PKP2: variants seen among roughly 807,000 people sequenced by gnomAD.
The protein encoded by PKP2 is plakophilin-2.
Under a neutral mutation model 83.4 loss-of-function variants are expected in PKP2, and 73 were observed. The observed-to-expected ratio is 0.88, with a 90% CI of 0.72 to 1.06. The LOEUF (loss-of-function observed/expected upper bound fraction) is 1.06. Among genes scored for constraint, PKP2 ranks in the 50% least tolerant of loss-of-function variants. The probability of loss-of-function intolerance (pLI) is 0.00; values close to 1 mark genes in which losing one functional copy is unlikely to be tolerated. For missense variants in PKP2, 966 were observed against 1,065.4 expected (o/e 0.91, Z 1.30); for synonymous variants, 409 against 430.4 (o/e 0.95, Z 0.62).
intron 9 of PKP2, among the ~76,000 whole-genome samples, chr12:32,806,686 T>TTGTGTGTGTGTGTGTGTG (rs140484431): frequency 0.039 from 5,846 of 149,636 alleles, 138 homozygotes; most frequent in African/African-American, 0.061. Context: ...TTTGAAGGGT[T>TTGTGTGTGTGTGTGTGTG]TGTGTGTGTG....
intron 1 of PKP2, chr12:32,893,398 A>G (rs1321141362): frequency 1.3e-5 from 2 of 152,244 alleles, no homozygotes; most frequent in African/African-American, 4.8e-5. Flanking sequence ...CATGGAAATA[A>G]TAAAAATTAT....
chr12:32,796,037 CA>C, intron 11 of PKP2, 71 bp downstream of exon 11: 1 of 1,349,372 alleles, frequency 7.4e-7, no homozygotes, highest in Non-Finnish European at 1.1e-6. Context: ...CGCACATTCA[CA>C]ACCGGATTAT....
chr12:32,824,240 A>T (rs1956412311), intron 6 of PKP2, 78 bp from the exon 7 acceptor site: 1 of 1,000,804 alleles, frequency 1.0e-6, no homozygotes, highest in Non-Finnish European at 1.6e-6. Flanking sequence ...GTTTTACTTG[A>T]TGCTTCTTCC....
intron 4 of PKP2, among the ~76,000 whole-genome samples, chr12:32,853,545 C>T (rs1218840050): frequency 3.5e-5 from 5 of 141,720 alleles, no homozygotes; most frequent in African/African-American, 5.4e-5. Context: ...CTCGCTCTGT[C>T]GCTCAGGTTG....
At chr12:32,807,646 G>A (rs774075510) in intron 9 of PKP2, among the ~76,000 whole-genome samples, 1 of 152,294 alleles carries the variant, frequency 6.6e-6, no homozygotes, top group Non-Finnish European at 1.5e-5. Context: ...ACTTCAGTGT[G>A]TTTTCATAGT....
At chr12:32,807,681 A>T (rs1592731627) in intron 9 of PKP2, among the ~76,000 whole-genome samples, 1 of 152,068 alleles carries the variant, frequency 6.6e-6, no homozygotes, top group Admixed American at 6.6e-5. Flanking sequence ...TTTCCTTTCC[A>T]CATTTAGTGC....
Position 32,878,148 on chromosome 12 carries a change from G to A in PKP2, c.732C>T (p.Pro244=). 6.2e-7 allele frequency: 1 copy of A among 1,614,242 alleles called. No homozygotes were observed. The highest frequency in any genetic ancestry group is 8.5e-7 in the Non-Finnish European group (1 of 1,180,038). Reference sequence around the variant, plus strand: ...CCATGCTGCGGCTGGTCCCTGGCCTGGGGTACGTGAGCAGGGCCGGGTTGG... The same window carrying A: ...CCATGCTGCGGCTGGTCCCTGGCCTAGGGTACGTGAGCAGGGCCGGGTTGG... ...IPANPALLTY[P]RPGTSRSMGN... is the part of the protein sequence containing the mutation. The change falls in exon 3 of 13, where the codon CCC becomes CCT. Residue 244 remains proline (P), a synonymous_variant. Transcript: ENST00000340811.
At chr12:32,865,907 A>G (rs1428356460) in intron 4 of PKP2, among the ~76,000 whole-genome samples, 1 of 152,128 alleles carries the variant, frequency 6.6e-6, no homozygotes, top group African/African-American at 2.4e-5. Context: ...TGGACCATAG[A>G]ACAACTAAAA....
intron 5 of PKP2, among the ~76,000 whole-genome samples, chr12:32,844,197 G>A (rs937320318): frequency 1.3e-5 from 2 of 152,160 alleles, no homozygotes; most frequent in African/African-American, 2.4e-5. Flanking sequence ...GCATAGAAAT[G>A]TCATGCCTGT....
chr12:32,860,107 C>T (rs1448457031), intron 4 of PKP2, among the ~76,000 whole-genome samples: 2 of 152,200 alleles, frequency 1.3e-5, no homozygotes, highest in Non-Finnish European at 2.9e-5. Flanking sequence ...TTAGATATCA[C>T]TGCCTTGGGA....
Position 32,796,353 on chromosome 12 carries a change from C to T in PKP2, c.2168-55G>A, listed in dbSNP as rs1956124625. On this transcript the variant is annotated intron_variant, in intron 10 of 12. Transcript: ENST00000340811. ...TGATTAAAAAGATTGTTTCTTAATC[C>T]CAAGATCCCAATATATTTTGGGTGA... 5 of 1,390,982 alleles carry T rather than the reference C, an allele frequency of 3.6e-6. No homozygotes were observed. The East Asian group carries it at 1.2e-4, about 33-fold the overall frequency. 86.2% of individuals were successfully genotyped at this position (1,390,982 alleles called of 1,614,324 possible).
chr12:32,894,622 T>G (rs774781713), intron 1 of PKP2: 1 of 152,230 alleles, frequency 6.6e-6, no homozygotes, highest in Non-Finnish European at 1.5e-5. Context: ...TTCCCTTTTC[T>G]TCTGTTCATG....
Position 32,878,676 on chromosome 12 carries a change from T to C in PKP2, c.337-133A>G, listed in dbSNP as rs754457997. ...AGATGACGAGAAGTTTGCCCCTTTC[T>C]GGGTAAAGGCTTTTTGAAAATAAGA... On this transcript the variant is annotated intron_variant, in intron 2 of 12. Coordinates refer to ENST00000340811, the MANE Select transcript of PKP2 (RefSeq NM_001005242.3). 5.9e-5 allele frequency: 47 copies of C among 796,970 alleles called. No homozygotes were observed. In the Middle Eastern group the frequency reaches 9.0e-4, roughly 15 times the overall value. 49.4% of individuals were successfully genotyped at this position (796,970 alleles called of 1,614,324 possible).
chr12:32,806,063 C>T (rs1284254449), intron 9 of PKP2, among the ~76,000 whole-genome samples: 1 of 152,178 alleles, frequency 6.6e-6, no homozygotes, highest in Non-Finnish European at 1.5e-5. Flanking sequence ...GGATGAAACC[C>T]ACTTGATGGT....
intron 4 of PKP2, chr12:32,863,449 A>C: frequency 4.8e-6 from 1 of 208,272 alleles, no homozygotes; most frequent in Non-Finnish European, 9.9e-6. Context: ...TAATGAAACA[A>C]TAATAAATAA....
chr12:32,821,183 C>A, intron 9 of PKP2, 173 bp downstream of exon 9: 2 of 633,266 alleles, frequency 3.2e-6, no homozygotes, highest in Non-Finnish European at 5.6e-6. Flanking sequence ...AGTCAAGCAG[C>A]CTGACTTGAC....
chr12:32,885,075 G>A lies in PKP2; in HGVS notation c.224-6043C>T, dbSNP rs1957019667. 2.0e-5 allele frequency among the ~76,000 whole-genome samples: 3 copies of A among 152,188 alleles called. No homozygotes were observed. In the South Asian group the frequency reaches 6.2e-4, roughly 32 times the overall value. On this transcript the variant is annotated intron_variant, in intron 1 of 12. Transcript: ENST00000340811. ...GGAAAATAAAGTAGGTAGTTGCAGA[G>A]CAACTTTAAACTCCACTCTTCTCAA...
At chr12:32,817,942 G>A (rs556798334) in intron 9 of PKP2, among the ~76,000 whole-genome samples, 25 of 152,188 alleles carry the variant, frequency 1.6e-4, no homozygotes, top group African/African-American at 5.3e-4. Flanking sequence ...TCATGGGGGC[G>A]CAAACCCTAT....
chr12:32,808,940 C>T (rs1414050521), intron 9 of PKP2, among the ~76,000 whole-genome samples: 1 of 152,108 alleles, frequency 6.6e-6, no homozygotes, highest in African/African-American at 2.4e-5. Context: ...CTGCTGCTGG[C>T]CCAAATGCTC....
Sources: allele counts gnomAD v4.1 joint callset (sites outside exome capture counted in the v4.1 genomes callset), GRCh38; gene constraint gnomAD v4.1.1; transcripts MANE v1.5; gene names NCBI Gene and HGNC (gene_info 2026-07-23, HGNC 2026-07-21).